The following NPAS3 variants were observed in gnomAD, a reference collection of about 807,000 sequenced individuals.
NPAS3 encodes neuronal PAS domain-containing protein 3.
In NPAS3, 14 loss-of-function variants were observed where a neutral mutation model predicts 73.1. The ratio of observed to expected loss-of-function variants is 0.19; its 90% CI spans 0.13 to 0.30. The LOEUF (loss-of-function observed/expected upper bound fraction) is 0.30. NPAS3 is among the 10% of genes least tolerant of loss of function. NPAS3 has a pLI of 1.00. For missense variants in NPAS3, 1,096 were observed against 1,250.0 expected (o/e 0.88, Z 1.86); for synonymous variants, 620 against 541.5 (o/e 1.14, Z -2.01).
At chr14:33,339,122 G>A (rs2044357830) in intron 3 of NPAS3, among the ~76,000 whole-genome samples, 1 of 152,166 alleles carries the variant, frequency 6.6e-6, no homozygotes, top group Admixed American at 6.5e-5. Flanking sequence ...TAATTAATGT[G>A]TAATAATACA....
intron 2 of NPAS3, among the ~76,000 whole-genome samples, chr14:33,129,349 G>C (rs1279943347): frequency 6.6e-6 from 1 of 152,136 alleles, no homozygotes; most frequent in Non-Finnish European, 1.5e-5. Context: ...TGATAGCTAA[G>C]CACTTTCAGA....
At chr14:33,618,638 C>G (rs933998964) in intron 5 of NPAS3, among the ~76,000 whole-genome samples, 1 of 152,198 alleles carries the variant, frequency 6.6e-6, no homozygotes, top group Non-Finnish European at 1.5e-5. Flanking sequence ...CGGTTGGTAC[C>G]GGTCTATGGC....
At chr14:33,086,610 A>C (rs1483480073) in intron 2 of NPAS3, among the ~76,000 whole-genome samples, 1 of 152,170 alleles carries the variant, frequency 6.6e-6, no homozygotes, top group African/African-American at 2.4e-5. Context: ...AAAATCTGAA[A>C]TGTGGATTTA....
intron 4 of NPAS3, among the ~76,000 whole-genome samples, chr14:33,505,475 T>G (rs1267121593): frequency 1.3e-5 from 2 of 151,964 alleles, no homozygotes; most frequent in East Asian, 1.9e-4. Context: ...AAATAACATA[T>G]GAGTTATTAA....
chr14:33,166,652 G>T lies in NPAS3; in HGVS notation c.141-48530G>T, dbSNP rs1566630741. ...TAAAGAAATTTACATTTAATATAAG[G>T]CCCCTTTGATAGACATATTGCCTTC... On this transcript the variant is annotated intron_variant, in intron 2 of 11. Transcript: ENST00000356141. Among the ~76,000 whole-genome samples, 4 of 152,030 alleles carry T rather than the reference G, an allele frequency of 2.6e-5. No individual in the cohort carries two copies. In the South Asian group the frequency reaches 8.3e-4, roughly 32 times the overall value.
intron 3 of NPAS3, among the ~76,000 whole-genome samples, chr14:33,284,764 ATATC>A (rs71118536): frequency 0.16 from 24,043 of 148,542 alleles, 2,013 homozygotes; most frequent in East Asian, 0.19. Flanking sequence ...ATCTATATCT[ATATC>A]TATCTATCTA....
intron 3 of NPAS3, among the ~76,000 whole-genome samples, chr14:33,308,773 A>G (rs1307456320): frequency 6.6e-6 from 1 of 152,004 alleles, no homozygotes; most frequent in African/African-American, 2.4e-5. Context: ...ACCACAACAT[A>G]CTGGGAAGTT....
intron 1 of NPAS3, among the ~76,000 whole-genome samples, chr14:32,942,730 T>C (rs2036074098): frequency 6.6e-6 from 1 of 152,210 alleles, no homozygotes; most frequent in Admixed American, 6.5e-5. Flanking sequence ...CTATCTACAG[T>C]ATAAGCTTAA....
chr14:33,284,799 TC>T (rs1372927329), intron 3 of NPAS3, among the ~76,000 whole-genome samples: 1 of 142,470 alleles, frequency 7.0e-6, no homozygotes, highest in Non-Finnish European at 1.5e-5. Flanking sequence ...TATCTATCTA[TC>T]TATCTATCTA....
intron 4 of NPAS3, among the ~76,000 whole-genome samples, chr14:33,369,569 T>TA: frequency 6.6e-6 from 1 of 152,234 alleles, no homozygotes; most frequent in East Asian, 1.9e-4. Flanking sequence ...GCTGTAGACT[T>TA]TCAGGAGAAA....
chr14:33,086,228 T>C (rs1220398442), intron 2 of NPAS3, among the ~76,000 whole-genome samples: 1 of 152,208 alleles, frequency 6.6e-6, no homozygotes, highest in Non-Finnish European at 1.5e-5. Context: ...AAAATATTTT[T>C]GCTTACGTGG....
intron 7 of NPAS3, among the ~76,000 whole-genome samples, chr14:33,740,920 A>C (rs72664560): frequency 0.012 from 1,766 of 152,264 alleles, 16 homozygotes; most frequent in Middle Eastern, 0.051. Context: ...GAAAAACTCC[A>C]TGATTTCTCA....
At chr14:33,635,621 T>C (rs576560605) in intron 5 of NPAS3, among the ~76,000 whole-genome samples, 1 of 152,262 alleles carries the variant, frequency 6.6e-6, no homozygotes, top group South Asian at 2.1e-4. Context: ...AATCATATCC[T>C]TCCTCTAACT....
intron 6 of NPAS3, among the ~76,000 whole-genome samples, chr14:33,697,353 G>C (rs1163539632): frequency 1.3e-5 from 2 of 152,096 alleles, no homozygotes; most frequent in Non-Finnish European, 2.9e-5. Flanking sequence ...ATCATCCAGG[G>C]GGTTGGCAGA....
intron 2 of NPAS3, among the ~76,000 whole-genome samples, chr14:33,155,018 A>AT (rs1211759474): frequency 6.6e-6 from 1 of 151,962 alleles, no homozygotes; most frequent in Non-Finnish European, 1.5e-5. Flanking sequence ...ATTATTATTA[A>AT]TTTTTTTTCA....
At chr14:33,672,831 G>A (rs773807090) in intron 5 of NPAS3, among the ~76,000 whole-genome samples, 4 of 152,158 alleles carry the variant, frequency 2.6e-5, no homozygotes, top group Admixed American at 1.3e-4. Context: ...TTAACTTCTC[G>A]GGACTGTAGG....
intron 5 of NPAS3, among the ~76,000 whole-genome samples, chr14:33,594,897 G>C (rs958033373): frequency 5.3e-5 from 8 of 152,116 alleles, no homozygotes; most frequent in Non-Finnish European, 1.0e-4. Flanking sequence ...TTCAGGGTGA[G>C]AGGGGCAGTA....
chr14:33,249,999 T>C (rs2048524694), intron 3 of NPAS3, among the ~76,000 whole-genome samples: 1 of 152,030 alleles, frequency 6.6e-6, no homozygotes, highest in South Asian at 2.1e-4. Context: ...AATGGGAGTT[T>C]GGCAGAGCAT....
At chr14:33,186,255 C>T (rs2045971647) in intron 2 of NPAS3, among the ~76,000 whole-genome samples, 1 of 152,142 alleles carries the variant, frequency 6.6e-6, no homozygotes, top group South Asian at 2.1e-4. Flanking sequence ...TCTGGTTGTG[C>T]CTGTGCACTT....
Sources: gnomAD v4.1 joint callset for allele counts (sites outside exome capture counted in the v4.1 genomes callset) on GRCh38, gnomAD v4.1.1 for gene constraint, MANE v1.5 for transcripts, NCBI Gene and HGNC (gene_info 2026-07-23, HGNC 2026-07-21) for gene names.